The following ADK variants were observed in gnomAD, a reference collection of about 807,000 sequenced individuals.
The protein encoded by ADK is adenosine kinase, also known as N6,N6-dimethyladenosine kinase.
In ADK, 24 loss-of-function variants were observed where a neutral mutation model predicts 44.7. The observed-to-expected ratio is 0.54, with a 90% CI of 0.39 to 0.76. The LOEUF (loss-of-function observed/expected upper bound fraction) is 0.76. Among genes scored for constraint, ADK ranks in the 30% least tolerant of loss-of-function variants. ADK has a pLI of 0.00. For synonymous variants in ADK, 128 were observed against 142.6 expected (o/e 0.90, Z 0.73); for missense variants, 321 against 425.1 (o/e 0.76, Z 2.15).
chr10:74,448,345 G>C (rs1257888888), intron 6 of ADK, among the ~76,000 whole-genome samples: 1 of 152,156 alleles, frequency 6.6e-6, no homozygotes, highest in Non-Finnish European at 1.5e-5. Flanking sequence ...CCACCTATTA[G>C]CCGTATGACC....
intron 6 of ADK, among the ~76,000 whole-genome samples, chr10:74,458,342 T>C (rs1211495049): frequency 3.4e-5 from 5 of 149,186 alleles, no homozygotes; most frequent in African/African-American, 1.2e-4. Context: ...GTTTTCTATG[T>C]TACTCAGGCT....
chr10:74,557,434 T>C (rs1486668802), intron 7 of ADK, among the ~76,000 whole-genome samples: 4 of 152,240 alleles, frequency 2.6e-5, no homozygotes, highest in Admixed American at 2.0e-4. Flanking sequence ...TGTAATCTTA[T>C]GGTTGAATGT....
chr10:74,199,673 A>T (rs1029604242), intron 1 of ADK, among the ~76,000 whole-genome samples: 15 of 151,276 alleles, frequency 9.9e-5, no homozygotes, highest in African/African-American at 2.9e-4. Flanking sequence ...AGAATGATTC[A>T]TTTTTTTTCA....
intron 7 of ADK, among the ~76,000 whole-genome samples, chr10:74,543,898 G>A (rs1849735440): frequency 6.6e-6 from 1 of 151,028 alleles, no homozygotes; most frequent in East Asian, 1.9e-4. Flanking sequence ...ACACATTAGA[G>A]GAATATGAAT....
intron 6 of ADK, among the ~76,000 whole-genome samples, chr10:74,522,796 C>G (rs747275244): frequency 6.6e-6 from 1 of 152,004 alleles, no homozygotes; most frequent in African/African-American, 2.4e-5. Flanking sequence ...GTTCTTCTCC[C>G]CTTCTAGTTT....
chr10:74,648,728 A>G (rs1854144913), intron 9 of ADK, among the ~76,000 whole-genome samples: 1 of 152,168 alleles, frequency 6.6e-6, no homozygotes, highest in Admixed American at 6.5e-5. Flanking sequence ...TAATGGAAAG[A>G]CATGTAAAAT....
At chr10:74,514,901 T>C (rs1848501490) in intron 6 of ADK, among the ~76,000 whole-genome samples, 1 of 152,150 alleles carries the variant, frequency 6.6e-6, no homozygotes, top group Admixed American at 6.5e-5. Context: ...CTCGGCTCAC[T>C]GCAGCCTCTA....
intron 7 of ADK, among the ~76,000 whole-genome samples, chr10:74,538,895 A>C (rs953869067): frequency 6.6e-6 from 1 of 152,164 alleles, no homozygotes; most frequent in Admixed American, 6.6e-5. Flanking sequence ...TTCAGTTTCT[A>C]TACTTCTGTA....
intron 6 of ADK, among the ~76,000 whole-genome samples, chr10:74,471,758 A>T (rs1244726158): frequency 2.0e-5 from 3 of 152,098 alleles, no homozygotes; most frequent in Admixed American, 6.5e-5. Flanking sequence ...ATTCATTTTT[A>T]ATGCTATTAT....
At chr10:74,284,150 G>A (rs534223436) in intron 3 of ADK, among the ~76,000 whole-genome samples, 26 of 150,720 alleles carry the variant, frequency 1.7e-4, no homozygotes, top group Admixed American at 1.3e-3. Flanking sequence ...AGTAGAGACA[G>A]GGTTTCTCCA....
rs1415589998 is a variant in ADK, at chr10:74,598,440, CCTTT to C, written c.763-1938_763-1935del. On this transcript the variant is annotated intron_variant, in intron 8 of 10. Coordinates refer to ENST00000539909, the MANE Select transcript of ADK (RefSeq NM_006721.4). Reference sequence around the variant, plus strand: ...TAGAAAGCAACCATGGAATCTTATTCCTTTTTTTTTTTTTTTTTTTTTTTTTTTG... The same window carrying C: ...TAGAAAGCAACCATGGAATCTTATTCTTTTTTTTTTTTTTTTTTTTTTTTG... 3.7e-3 allele frequency among the ~76,000 whole-genome samples: 423 copies of C among 114,030 alleles called. 39 individuals carry two copies. The highest frequency in any genetic ancestry group is 0.016 in the African/African-American group (393 of 24,958). 74.8% of individuals were successfully genotyped at this position (114,030 alleles called of 152,430 possible).
Position 74,373,674 on chromosome 10 carries a change from A to G in ADK, c.274-20467A>G, listed in dbSNP as rs535463131. Among the ~76,000 whole-genome samples, 4 of 152,340 alleles carry G rather than the reference A, an allele frequency of 2.6e-5. No homozygotes were observed. In the South Asian group the frequency reaches 8.3e-4, roughly 32 times the overall value. ...TAATCAGAAGGACAGAGTTTTGGCAAGGATTTGGAGAACCCTAAGGCATTG... is the reference window on the plus strand; with the variant it reads ...TAATCAGAAGGACAGAGTTTTGGCAGGGATTTGGAGAACCCTAAGGCATTG... On this transcript the variant is annotated intron_variant, in intron 4 of 10. Coordinates refer to ENST00000539909, the MANE Select transcript of ADK (RefSeq NM_006721.4).
At chr10:74,675,239 A>G (rs1044608534) in intron 10 of ADK, among the ~76,000 whole-genome samples, 7 of 152,236 alleles carry the variant, frequency 4.6e-5, no homozygotes, top group Non-Finnish European at 7.3e-5. Flanking sequence ...CTAATTATCT[A>G]TATCAGTACC....
At chr10:74,500,491 A>C (rs1210401787) in intron 6 of ADK, among the ~76,000 whole-genome samples, 1 of 152,216 alleles carries the variant, frequency 6.6e-6, no homozygotes, top group Non-Finnish European at 1.5e-5. Flanking sequence ...CTGATTCAGT[A>C]AGTCTGGGGT....
chr10:74,434,567 C>A (rs1845117921), intron 6 of ADK, among the ~76,000 whole-genome samples: 1 of 152,064 alleles, frequency 6.6e-6, no homozygotes, highest in Non-Finnish European at 1.5e-5. Context: ...CTGAGGAAAG[C>A]AAAAACAGAA....
chr10:74,362,989 A>G (rs531139842), intron 4 of ADK, among the ~76,000 whole-genome samples: 160 of 152,204 alleles, frequency 1.1e-3, no homozygotes, highest in Non-Finnish European at 1.6e-3. Context: ...GTCCCTGACT[A>G]CAAAGAGAGT....
In ADK at chr10:74,527,503, A is replaced by T. The variant is rs1849100835; in HGVS notation, c.726+2077A>T. 9.8e-6 allele frequency: 6 copies of T among 609,172 alleles called. No homozygotes were observed. The East Asian group carries it at 1.1e-4, about 12-fold the overall frequency. The allele number at this position is 609,172 out of a possible 1,614,324, so 37.7% of individuals were successfully genotyped here. On this transcript the variant is annotated intron_variant, in intron 7 of 10. Coordinates refer to ENST00000539909, the MANE Select transcript of ADK (RefSeq NM_006721.4). ...ACAAATGATCTTAATTAAGGAGAGAATGTGGAGGGACCTTTTGAAAAAATA... is the reference window on the plus strand; with the variant it reads ...ACAAATGATCTTAATTAAGGAGAGATTGTGGAGGGACCTTTTGAAAAAATA...
chr10:74,484,198 A>C (rs1425402213), intron 6 of ADK, among the ~76,000 whole-genome samples: 2 of 152,180 alleles, frequency 1.3e-5, no homozygotes, highest in Non-Finnish European at 2.9e-5. Context: ...GCCTCAGGAA[A>C]CTTACAATCA....
chr10:74,620,586 C>T (rs1852958215), intron 9 of ADK, among the ~76,000 whole-genome samples: 1 of 152,140 alleles, frequency 6.6e-6, no homozygotes, highest in African/African-American at 2.4e-5. Flanking sequence ...CATGGGGGTG[C>T]AAATGTCTCT....
Sources: allele counts gnomAD v4.1 joint callset (sites outside exome capture counted in the v4.1 genomes callset), GRCh38; gene constraint gnomAD v4.1.1; transcripts MANE v1.5; gene names NCBI Gene and HGNC (gene_info 2026-07-23, HGNC 2026-07-21).